The following PTPRD variants were observed in gnomAD, a reference collection of about 807,000 sequenced individuals.
PTPRD encodes the protein receptor-type tyrosine-protein phosphatase delta.
PTPRD carries 34 observed loss-of-function variants against 214.5 expected under a neutral mutation model. The ratio of observed to expected loss-of-function variants is 0.16; its 90% confidence interval spans 0.12 to 0.21. The LOEUF is 0.21. PTPRD is among the 10% of genes least tolerant of loss of function. PTPRD has a pLI of 1.00. For synonymous variants in PTPRD, 1,128 were observed against 845.7 expected (o/e 1.33, Z -5.79); for missense variants, 2,545 against 2,398.7 (o/e 1.06, Z -1.27).
intron 12 of PTPRD, among the ~76,000 whole-genome samples, chr9:8,699,139 T>G (rs768813563): frequency 6.6e-6 from 1 of 152,230 alleles, no homozygotes; most frequent in African/African-American, 2.4e-5. Context: ...ATCCTTTGAG[T>G]AAATTTCTAA....
Position 9,318,859 on chromosome 9 carries a change from TA to T in PTPRD, c.-203+78589del, listed in dbSNP as rs1964868821. On this transcript the variant is annotated intron_variant, in intron 9 of 45. Coordinates refer to ENST00000381196, the MANE Select transcript of PTPRD (RefSeq NM_002839.4). ...CAAATGCAATGATAATCAAAGTGGA[TA>T]AACTCTCTGCTCTTCATCCCACCTG... Among the ~76,000 whole-genome samples, 3 of 152,172 alleles carry T rather than the reference TA, an allele frequency of 2.0e-5. No individual in the cohort carries two copies. The South Asian group carries it at 6.2e-4, about 32-fold the overall frequency.
At chr9:10,197,957 C>T (rs2099404468) in intron 3 of PTPRD, among the ~76,000 whole-genome samples, 1 of 152,028 alleles carries the variant, frequency 6.6e-6, no homozygotes, top group Non-Finnish European at 1.5e-5. Flanking sequence ...GAAGTATAAG[C>T]CATGCTTCCT....
At chr9:9,316,635 A>T (rs1431644041) in intron 9 of PTPRD, among the ~76,000 whole-genome samples, 1 of 152,130 alleles carries the variant, frequency 6.6e-6, no homozygotes, top group Non-Finnish European at 1.5e-5. Flanking sequence ...AGCCCAATCA[A>T]CTATGCCACT....
intron 5 of PTPRD, among the ~76,000 whole-genome samples, chr9:9,783,188 G>T (rs540883537): frequency 1.3e-5 from 2 of 152,214 alleles, no homozygotes; most frequent in South Asian, 2.1e-4. Context: ...GTTTGTTTTT[G>T]ATTCTGTGCA....
chr9:9,167,435 A>G (rs1223858093), intron 10 of PTPRD, among the ~76,000 whole-genome samples: 1 of 151,950 alleles, frequency 6.6e-6, no homozygotes, highest in African/African-American at 2.4e-5. Context: ...CAAAACATAA[A>G]TATTATTGCT....
chr9:9,088,380 G>C (rs571457743), intron 10 of PTPRD, among the ~76,000 whole-genome samples: 6 of 151,576 alleles, frequency 4.0e-5, no homozygotes, highest in South Asian at 2.1e-4. Flanking sequence ...CTGAGGTTGA[G>C]ACTAGCCTGA....
At chr9:9,751,476 C>CA (rs1461767914) in intron 6 of PTPRD, among the ~76,000 whole-genome samples, 37 of 152,000 alleles carry the variant, frequency 2.4e-4, no homozygotes, top group Non-Finnish European at 4.0e-4. Context: ...ATGTCACCCT[C>CA]AAAAAAGGTG....
chr9:8,582,930 A>G (rs1423354246), intron 14 of PTPRD, among the ~76,000 whole-genome samples: 1 of 152,154 alleles, frequency 6.6e-6, no homozygotes, highest in Non-Finnish European at 1.5e-5. Flanking sequence ...ATAAAGAGGT[A>G]TGTATGAGTT....
At chr9:9,102,935 T>C (rs1345643829) in intron 10 of PTPRD, among the ~76,000 whole-genome samples, 1 of 152,190 alleles carries the variant, frequency 6.6e-6, no homozygotes, top group African/African-American at 2.4e-5. Context: ...TTCTTGCAAA[T>C]AGAAAACTAA....
At position 8,450,992 on chromosome 9, in the gene PTPRD, G is replaced by GACTGTGGTACAGCTCATTAGTGTT. The variant is rs761083211; in HGVS notation, c.3876-1179_3876-1156dup. On this transcript the variant is annotated intron_variant, in intron 33 of 45. Transcript: ENST00000381196. ...AACTTTCCTTTTCTCTGTTCGATGT[G>GACTGTGGTACAGCTCATTAGTGTT]ACTGTGGTACAGCTCATTAGTGTTG... is the stretch of plus-strand genomic sequence containing the variant. Among the ~76,000 whole-genome samples, 105 of 152,292 alleles carry GACTGTGGTACAGCTCATTAGTGTT rather than the reference G, an allele frequency of 6.9e-4. 1 individual carries two copies. The South Asian group carries it at 8.5e-3, about 12-fold the overall frequency.
Position 9,966,238 on chromosome 9 carries a change from A to G in PTPRD, c.-471-27628T>C, listed in dbSNP as rs138004685. ...CAACACAAGGAAAGATTTATTCTCA[A>G]CTTCTAATTTATCAATAAAATATAT... On this transcript the variant is annotated intron_variant, in intron 4 of 45. Coordinates refer to ENST00000381196, the MANE Select transcript of PTPRD (RefSeq NM_002839.4). 1.3e-3 allele frequency among the ~76,000 whole-genome samples: 201 copies of G among 152,282 alleles called. 2 individuals carry two copies. The East Asian group carries it at 0.03, about 23-fold the overall frequency.
intron 2 of PTPRD, among the ~76,000 whole-genome samples, chr9:10,502,043 T>C (rs1280831674): frequency 6.6e-6 from 1 of 151,564 alleles, no homozygotes; most frequent in East Asian, 1.9e-4. Flanking sequence ...AAGAAGAAAA[T>C]CGAGCTTAAT....
At chr9:8,641,841 T>A (rs1328896802) in intron 12 of PTPRD, among the ~76,000 whole-genome samples, 1 of 152,176 alleles carries the variant, frequency 6.6e-6, no homozygotes, top group African/African-American at 2.4e-5. Flanking sequence ...ACCTAATGGG[T>A]CTAATATTTG....
intron 7 of PTPRD, among the ~76,000 whole-genome samples, chr9:9,598,472 T>A (rs2093525441): frequency 2.0e-5 from 3 of 151,964 alleles, no homozygotes; most frequent in Admixed American, 2.0e-4. Flanking sequence ...AAAAAACAGT[T>A]ACTTTTAATA....
intron 10 of PTPRD, among the ~76,000 whole-genome samples, chr9:9,114,175 T>C (rs956585959): frequency 6.6e-6 from 1 of 152,164 alleles, no homozygotes; most frequent in African/African-American, 2.4e-5. Context: ...AGGCCAATCA[T>C]GTTGCCTTTA....
intron 5 of PTPRD, among the ~76,000 whole-genome samples, chr9:9,893,921 T>C (rs1005506608): frequency 6.6e-6 from 1 of 152,048 alleles, no homozygotes; most frequent in Non-Finnish European, 1.5e-5. Context: ...CAAACAATCC[T>C]CCTGTCTCAA....
chr9:9,250,291 G>C (rs10977615), intron 9 of PTPRD, among the ~76,000 whole-genome samples: 16,426 of 152,034 alleles, frequency 0.11, 1,124 homozygotes, highest in Middle Eastern at 0.15. Context: ...AGAACTTTCT[G>C]ACCCCAGGGC....
chr9:9,018,337 T>G (rs895192083), intron 11 of PTPRD, among the ~76,000 whole-genome samples: 2 of 152,188 alleles, frequency 1.3e-5, no homozygotes, highest in Non-Finnish European at 2.9e-5. Flanking sequence ...CTAAGACAAT[T>G]TTTAAATAAA....
chr9:9,040,040 T>G (rs1209451788), intron 10 of PTPRD, among the ~76,000 whole-genome samples: 1 of 152,000 alleles, frequency 6.6e-6, no homozygotes, highest in East Asian at 1.9e-4. Flanking sequence ...GAAGCTACAA[T>G]TCAGAGAAAG....
Sources: gnomAD v4.1 joint callset for allele counts (sites outside exome capture counted in the v4.1 genomes callset) on GRCh38, gnomAD v4.1.1 for gene constraint, MANE v1.5 for transcripts, NCBI Gene and HGNC (gene_info 2026-07-23, HGNC 2026-07-21) for gene names.